EPHB1: variants seen among roughly 807,000 people sequenced by gnomAD.
The protein encoded by EPHB1 is ephrin type-B receptor 1.
Under a neutral mutation model 94.4 loss-of-function variants are expected in EPHB1, and 30 were observed. The ratio of observed to expected loss-of-function variants is 0.32; its 90% CI spans 0.24 to 0.43. The LOEUF (loss-of-function observed/expected upper bound fraction) is 0.43. Among genes scored for constraint, EPHB1 ranks in the 20% least tolerant of loss-of-function variants. The pLI, the probability that EPHB1 is intolerant of heterozygous loss-of-function variation, is 1.00. For synonymous variants in EPHB1, 522 were observed against 489.1 expected, an observed-to-expected ratio of 1.07 and a Z score of -0.89; for missense variants, 1,055 against 1,308.3, an observed-to-expected ratio of 0.81 and a Z score of 2.99.
intron 9 of EPHB1, among the ~76,000 whole-genome samples, chr3:135,174,950 C>A (rs1249776841): frequency 6.6e-6 from 1 of 152,208 alleles, no homozygotes; most frequent in African/African-American, 2.4e-5. Context: ...CCTCCACCAG[C>A]TGGGAAGTGC....
chr3:135,016,871 C>G (rs764277935), intron 3 of EPHB1, among the ~76,000 whole-genome samples: 9 of 152,176 alleles, frequency 5.9e-5, no homozygotes, highest in Non-Finnish European at 1.2e-4. Flanking sequence ...TCTCGGGACT[C>G]TGGCCAGGTA....
At chr3:134,843,706 T>C (rs1409671073) in intron 1 of EPHB1, among the ~76,000 whole-genome samples, 1 of 152,184 alleles carries the variant, frequency 6.6e-6, no homozygotes, top group Non-Finnish European at 1.5e-5. Flanking sequence ...TTATTGTTCT[T>C]TTCAACTCCA....
rs1421151199 is a variant in EPHB1, at chr3:134,795,678, C to A, written c.47C>A (p.Ala16Asp). 1 of 1,610,122 alleles carries A rather than the reference C, an allele frequency of 6.2e-7. No homozygotes were observed. The highest frequency in any genetic ancestry group is 8.5e-7 in the Non-Finnish European group (1 of 1,178,434). The change falls in exon 1 of 16, where the codon GCT (alanine) becomes GAT (aspartate). Residue 16 changes from alanine to aspartate, a missense_variant. Transcript: ENST00000398015. Reference sequence around the variant, plus strand: ...CTGCTCCTCCTGGCATCCGCAGTGGCTGCGATGGAAGGTAACGTACCCTCC... The same window carrying A: ...CTGCTCCTCCTGGCATCCGCAGTGGATGCGATGGAAGGTAACGTACCCTCC... ...LLLLLLASAV[A>D]AMEETLMDTR...
chr3:135,203,592 A>G (rs920758300), intron 12 of EPHB1, among the ~76,000 whole-genome samples: 7 of 152,204 alleles, frequency 4.6e-5, no homozygotes, highest in African/African-American at 1.7e-4. Flanking sequence ...AAAAGTTATA[A>G]ATATCATTCT....
At chr3:135,057,907 A>G (rs556056064) in intron 3 of EPHB1, among the ~76,000 whole-genome samples, 2 of 152,314 alleles carry the variant, frequency 1.3e-5, no homozygotes, top group East Asian at 3.9e-4. Context: ...TAGCTCCCTT[A>G]GTTTAAGCGA....
At chr3:135,192,906 A>G (rs1942497570) in intron 11 of EPHB1, 83 bp downstream of exon 11, 8 of 1,541,278 alleles carry the variant, frequency 5.2e-6, no homozygotes, top group Non-Finnish European at 7.1e-6. Context: ...AGCACAACCT[A>G]CCAATCAGGA....
chr3:135,002,108 G>C (rs902537655), intron 3 of EPHB1, among the ~76,000 whole-genome samples: 1 of 152,206 alleles, frequency 6.6e-6, no homozygotes, highest in African/African-American at 2.4e-5. Context: ...TGAATGAAAT[G>C]TTGATGTATG....
intron 4 of EPHB1, among the ~76,000 whole-genome samples, chr3:135,123,840 C>T (rs919125755): frequency 2.4e-4 from 36 of 151,700 alleles, no homozygotes; most frequent in African/African-American, 8.5e-4. Context: ...TGATGTCATT[C>T]TGGCCCAAGC....
chr3:134,925,938 A>G (rs2038783328), intron 2 of EPHB1, 58 bp downstream of exon 2: 14 of 1,482,528 alleles, frequency 9.4e-6, no homozygotes, highest in Middle Eastern at 1.7e-4. Context: ...TCCATATGAT[A>G]TCTAGGGGAG....
chr3:134,857,207 G>A (rs563160339), intron 1 of EPHB1, among the ~76,000 whole-genome samples: 51 of 152,256 alleles, frequency 3.3e-4, no homozygotes, highest in African/African-American at 1.2e-3. Context: ...CAGCCAGCAT[G>A]CACCTTGGAA....
At chr3:134,897,605 A>C (rs2038113173) in intron 1 of EPHB1, among the ~76,000 whole-genome samples, 1 of 152,046 alleles carries the variant, frequency 6.6e-6, no homozygotes, top group African/African-American at 2.4e-5. Context: ...GCCTCCCCTG[A>C]CCACCCACTT....
At chr3:135,258,578 A>C (rs565892415) in intron 15 of EPHB1, among the ~76,000 whole-genome samples, 22 of 152,302 alleles carry the variant, frequency 1.4e-4, no homozygotes, top group Non-Finnish European at 1.8e-4. Context: ...AAACATCAGA[A>C]GACCAGGTGA....
intron 4 of EPHB1, among the ~76,000 whole-genome samples, chr3:135,113,279 C>A (rs1939539124): frequency 6.6e-6 from 1 of 152,276 alleles, no homozygotes; most frequent in East Asian, 1.9e-4. Context: ...GTCAGCGTTG[C>A]CTGTGTAAAT....
At chr3:135,114,926 C>T (rs1939628800) in intron 4 of EPHB1, among the ~76,000 whole-genome samples, 1 of 152,092 alleles carries the variant, frequency 6.6e-6, no homozygotes, top group Non-Finnish European at 1.5e-5. Context: ...CTTCAATATA[C>T]AAGTATTTGT....
At chr3:135,158,980 C>G (rs1041695073) in intron 6 of EPHB1, among the ~76,000 whole-genome samples, 2 of 152,182 alleles carry the variant, frequency 1.3e-5, no homozygotes, top group Non-Finnish European at 2.9e-5. Context: ...TGTGCTCAAT[C>G]AATTTGTTCA....
chr3:134,825,541 G>T (rs921595253), intron 1 of EPHB1, among the ~76,000 whole-genome samples: 5 of 152,194 alleles, frequency 3.3e-5, no homozygotes, highest in Non-Finnish European at 5.9e-5. Context: ...TTTTCTGTGA[G>T]CTGTGAATTC....
At chr3:135,251,251 A>C (rs1483081498) in intron 15 of EPHB1, among the ~76,000 whole-genome samples, 2 of 152,176 alleles carry the variant, frequency 1.3e-5, no homozygotes, top group Non-Finnish European at 2.9e-5. Flanking sequence ...AATAGAAAAG[A>C]AGCACTTACC....
chr3:134,852,341 A>G (rs1181060782), intron 1 of EPHB1, among the ~76,000 whole-genome samples: 1 of 152,138 alleles, frequency 6.6e-6, no homozygotes, highest in Non-Finnish European at 1.5e-5. Flanking sequence ...CGAAGATGTT[A>G]TTGGATTTCT....
rs147076590 is a variant in EPHB1, at chr3:135,214,657, A to G, written c.2346+12968A>G. On this transcript the variant is annotated intron_variant, in intron 12 of 15. Coordinates refer to ENST00000398015, the MANE Select transcript of EPHB1 (RefSeq NM_004441.5). ...CACACACCCATTATCCATTATTCCC[A>G]TGAATTATTGTCTCAGCTGCAGCCT... Among the ~76,000 whole-genome samples the G allele has an allele frequency of 3.7e-3, 568 of 152,232 alleles. 5 individuals carry two copies. The highest frequency in any genetic ancestry group is 0.013 in the African/African-American group (551 of 41,542).
Sources: allele counts gnomAD v4.1 joint callset (sites outside exome capture counted in the v4.1 genomes callset), GRCh38; gene constraint gnomAD v4.1.1; transcripts MANE v1.5; gene names NCBI Gene and HGNC (gene_info 2026-07-23, HGNC 2026-07-21).